Variants in RAD51C observed in about 807,000 individuals in gnomAD.
RAD51C encodes the protein DNA repair protein RAD51 homolog 3.
Under a neutral mutation model 45.0 loss-of-function variants are expected in RAD51C, and 42 were observed. That is an observed-to-expected ratio of 0.93 (90% CI 0.73 to 1.21). The LOEUF is 1.21. Ranked by LOEUF, RAD51C falls within the 50% of genes most tolerant of loss-of-function variation. The pLI is 0.00. For missense variants in RAD51C, 474 were observed against 452.2 expected, an observed-to-expected ratio of 1.05 and a Z score of -0.44; for synonymous variants, 172 against 159.8, an observed-to-expected ratio of 1.08 and a Z score of -0.58.
chr17:58,734,030 C>T, intron 8 of RAD51C, 88 bp from the exon 9 acceptor site: 1 of 1,534,192 alleles, frequency 6.5e-7, no homozygotes, highest in Non-Finnish European at 8.8e-7. Flanking sequence ...AATAAAGTAG[C>T]TTTCTTATTA....
chr17:58,718,236 G>A (rs1483521188), intron 5 of RAD51C, among the ~76,000 whole-genome samples: 3 of 152,122 alleles, frequency 2.0e-5, no homozygotes, highest in Non-Finnish European at 4.4e-5. Context: ...GACCTCAGGT[G>A]ATCTACCTGC....
At chr17:58,715,138 A>C (rs988050958) in intron 5 of RAD51C, among the ~76,000 whole-genome samples, 9 of 144,162 alleles carry the variant, frequency 6.2e-5, no homozygotes, top group East Asian at 2.2e-4. Context: ...ATTAAAAAAA[A>C]AAAAACAAAA....
At chr17:58,726,466 G>A (rs1394677172) in intron 7 of RAD51C, among the ~76,000 whole-genome samples, 2 of 121,672 alleles carry the variant, frequency 1.6e-5, no homozygotes, top group Admixed American at 8.2e-5. Flanking sequence ...ATGTATATAT[G>A]TGTATACGTA....
chr17:58,696,741 G>A lies in RAD51C; in HGVS notation c.453G>A (p.Val151=), dbSNP rs45553636. The A allele has an allele frequency of 4.3e-6, 7 of 1,614,194 alleles. No individual in the cohort carries two copies. The Admixed American group carries it at 1.0e-4, about 23-fold the overall frequency. The change falls in exon 3 of 9, where the codon GTG becomes GTA. Residue 151 remains valine (V), a synonymous_variant. Coordinates refer to ENST00000337432, the MANE Select transcript of RAD51C (RefSeq NM_058216.3). ...AGATACCAGAATGTTTTGGAGGAGT[G>A]GCAGGTGAAGCAGTTTTTATTGATA... is the stretch of plus-strand genomic sequence containing the variant. ...DVQIPECFGG[V]AGEAVFIDTE...
In RAD51C at chr17:58,721,983, A is replaced by G. The variant is rs9904083; in HGVS notation, c.904+1171A>G. 9.0e-4 allele frequency among the ~76,000 whole-genome samples: 137 copies of G among 152,190 alleles called. 1 individual carries two copies. The highest frequency in any genetic ancestry group is 3.2e-3 in the African/African-American group (134 of 41,518). On this transcript the variant is annotated intron_variant, in intron 6 of 8. Coordinates refer to ENST00000337432, the MANE Select transcript of RAD51C (RefSeq NM_058216.3). Reference sequence around the variant, plus strand: ...CCAGCTGTTTTTGTCATTTTCTATCACCCACTTAAGCAAGAGCTTCCTAAT... The same window carrying G: ...CCAGCTGTTTTTGTCATTTTCTATCGCCCACTTAAGCAAGAGCTTCCTAAT...
intron 4 of RAD51C, among the ~76,000 whole-genome samples, chr17:58,703,564 A>G (rs2048283090): frequency 6.6e-6 from 1 of 152,232 alleles, no homozygotes; most frequent in East Asian, 1.9e-4. Context: ...CATTTCCAGT[A>G]ATAGTGGAAT....
At chr17:58,723,606 C>A (rs1474985735) in intron 6 of RAD51C, among the ~76,000 whole-genome samples, 3 of 151,692 alleles carry the variant, frequency 2.0e-5, no homozygotes, top group Non-Finnish European at 4.4e-5. Flanking sequence ...AACTTTTGCT[C>A]ATTATTATTT....
At chr17:58,692,844 G>C (rs1231484620) in intron 1 of RAD51C, 56 bp downstream of exon 1, 1 of 1,612,892 alleles carries the variant, frequency 6.2e-7, no homozygotes, top group Non-Finnish European at 8.5e-7. Flanking sequence ...CGCCGCCTCA[G>C]TCTTCGTTCT....
chr17:58,715,134 AAAAAAAAAAC>A lies in RAD51C; in HGVS notation c.837+5161_837+5170del, dbSNP rs1275980022. On this transcript the variant is annotated intron_variant, in intron 5 of 8. Transcript: ENST00000337432. ...AAACACACAGTTCCAGATTATTAAA[AAAAAAAAAAC>A]AAAAAAAAACAAAAAACCTCTTTTC... Among the ~76,000 whole-genome samples the A allele has an allele frequency of 7.5e-5, 11 of 145,976 alleles. No individual in the cohort carries two copies. The South Asian group carries it at 2.3e-3, about 30-fold the overall frequency.
At chr17:58,711,442 A>G (rs1195417895) in intron 5 of RAD51C, among the ~76,000 whole-genome samples, 3 of 152,152 alleles carry the variant, frequency 2.0e-5, no homozygotes, top group Non-Finnish European at 2.9e-5. Context: ...GAAGAGAAAG[A>G]TCTGAAAGGA....
At chr17:58,729,282 A>G (rs1250606465) in intron 7 of RAD51C, among the ~76,000 whole-genome samples, 1 of 152,124 alleles carries the variant, frequency 6.6e-6, no homozygotes, top group Non-Finnish European at 1.5e-5. Context: ...CAGTGGCGCA[A>G]TCTCAGCTCA....
At chr17:58,733,548 G>C (rs1396344593) in intron 8 of RAD51C, among the ~76,000 whole-genome samples, 2 of 152,144 alleles carry the variant, frequency 1.3e-5, no homozygotes, top group African/African-American at 2.4e-5. Flanking sequence ...CGTAAAGTTT[G>C]TTAGGATTGA....
chr17:58,710,132 C>A, intron 5 of RAD51C, 142 bp downstream of exon 5: 1 of 995,226 alleles, frequency 1.0e-6, no homozygotes, highest in Non-Finnish European at 1.5e-6. Flanking sequence ...GGTTGGTTTC[C>A]ATTAAAAAAT....
At chr17:58,716,277 G>C (rs945447145) in intron 5 of RAD51C, among the ~76,000 whole-genome samples, 9 of 152,174 alleles carry the variant, frequency 5.9e-5, no homozygotes, top group South Asian at 2.1e-4. Context: ...TAAATCAGTA[G>C]TTTGATTTAT....
intron 7 of RAD51C, among the ~76,000 whole-genome samples, chr17:58,731,038 G>C (rs1391504629): frequency 6.6e-6 from 1 of 151,958 alleles, no homozygotes; most frequent in Non-Finnish European, 1.5e-5. Flanking sequence ...TATAATACTT[G>C]TTCTGATGTG....
chr17:58,700,593 C>T (rs1201066742), intron 3 of RAD51C, among the ~76,000 whole-genome samples: 1 of 152,064 alleles, frequency 6.6e-6, no homozygotes, highest in African/African-American at 2.4e-5. Flanking sequence ...CAGGCACCCG[C>T]CACCACGCCT....
chr17:58,734,668 C>T lies in RAD51C; in HGVS notation c.*446C>T, dbSNP rs182588591. On this transcript the variant is annotated 3_prime_UTR_variant, in exon 9 of 9. Transcript: ENST00000337432. Reference sequence around the variant, plus strand: ...GGAGTGCAATGGCGCAATCTCTGCTCACTGCAACCTCCGCCTCCCAGGTTC... The same window carrying T: ...GGAGTGCAATGGCGCAATCTCTGCTTACTGCAACCTCCGCCTCCCAGGTTC... 6.1e-6 allele frequency: 1 copy of T among 163,366 alleles called. No individual in the cohort carries two copies. Among genetic ancestry groups the T allele is most frequent in the African/African-American group, 2.6e-5 (1 of 37,992 alleles). The allele number at this position is 163,366 out of a possible 1,614,324, so 10.1% of individuals were successfully genotyped here.
chr17:58,710,338 A>T (rs1055679598), intron 5 of RAD51C, among the ~76,000 whole-genome samples: 49 of 150,588 alleles, frequency 3.3e-4, no homozygotes, highest in Non-Finnish European at 4.0e-4. Context: ...AAAAAAAAAA[A>T]AAACCAAAAA....
intron 4 of RAD51C, among the ~76,000 whole-genome samples, chr17:58,705,452 G>C (rs1328204815): frequency 2.6e-5 from 4 of 151,826 alleles, no homozygotes; most frequent in Admixed American, 1.3e-4. Context: ...TCCTGCCTCA[G>C]CCTCCAGAGT....
Sources: gnomAD v4.1 joint callset for allele counts (sites outside exome capture counted in the v4.1 genomes callset) on GRCh38, gnomAD v4.1.1 for gene constraint, MANE v1.5 for transcripts, NCBI Gene and HGNC (gene_info 2026-07-23, HGNC 2026-07-21) for gene names.